PDZRN4: variants seen among roughly 807,000 people sequenced by gnomAD.
The protein encoded by PDZRN4 is PDZ domain containing ring finger 4, also known as PDZ domain-containing RING finger protein 4.
PDZRN4 carries 70 observed loss-of-function variants against 99.0 expected under a neutral mutation model. The ratio of observed to expected loss-of-function variants is 0.71; its 90% confidence interval spans 0.58 to 0.86. The LOEUF (loss-of-function observed/expected upper bound fraction) is 0.86, where lower values mean the gene tolerates loss of function less well. Ranked by LOEUF, PDZRN4 falls within the 40% of genes least tolerant of loss-of-function variation. PDZRN4 has a pLI of 0.00. For synonymous variants in PDZRN4, 551 were observed against 501.6 expected (o/e 1.10, Z -1.32); for missense variants, 1,474 against 1,331.2 (o/e 1.11, Z -1.67).
intron 3 of PDZRN4, among the ~76,000 whole-genome samples, chr12:41,504,495 A>G (rs1289200803): frequency 2.0e-5 from 3 of 152,154 alleles, no homozygotes; most frequent in Non-Finnish European, 4.4e-5. Context: ...CACAATCTGG[A>G]ATGTATAAAT....
rs542797296 is a variant in PDZRN4, at chr12:41,192,726, T to C, written c.735+1182T>C. 3.9e-5 allele frequency among the ~76,000 whole-genome samples: 6 copies of C among 152,324 alleles called. No individual in the cohort carries two copies. In the East Asian group the frequency reaches 1.2e-3, roughly 29 times the overall value. ...ATTGATTTCAATAGGAAGTACCATG[T>C]TAAAGAAAAACAGTTGATTAGAAAT... On this transcript the variant is annotated intron_variant, in intron 2 of 9. Transcript: ENST00000402685.
intron 3 of PDZRN4, among the ~76,000 whole-genome samples, chr12:41,253,601 A>G (rs1951185726): frequency 6.6e-6 from 1 of 152,174 alleles, no homozygotes. Context: ...AAAAACTAAA[A>G]CTAAAACTTC....
chr12:41,212,290 A>G (rs906757124), intron 3 of PDZRN4, among the ~76,000 whole-genome samples: 6 of 151,962 alleles, frequency 3.9e-5, no homozygotes, highest in Admixed American at 2.0e-4. Context: ...TTTGTTTCTT[A>G]GTGTTTCTGC....
At chr12:41,388,973 CTGAT>C (rs536683141) in intron 3 of PDZRN4, among the ~76,000 whole-genome samples, 55 of 152,252 alleles carry the variant, frequency 3.6e-4, no homozygotes, top group African/African-American at 1.3e-3. Flanking sequence ...CAATGACTAA[CTGAT>C]TGGCTTGTCA....
rs17129388 is a variant in PDZRN4, at chr12:41,486,019, C to G, written c.844-20437C>G. ...TTCAATATTATTATGTGAAAAATCA[C>G]AATCAATAGTTTCCAGTTTTATGTA... On this transcript the variant is annotated intron_variant, in intron 3 of 9. Coordinates refer to ENST00000402685, the MANE Select transcript of PDZRN4 (RefSeq NM_001164595.2). 2.0e-3 allele frequency among the ~76,000 whole-genome samples: 306 copies of G among 152,200 alleles called. 6 individuals carry two copies. The East Asian group carries it at 0.037, about 19-fold the overall frequency.
At position 41,535,742 on chromosome 12, in the gene PDZRN4, C is replaced by T. The variant is rs530229650; in HGVS notation, c.1204-16914C>T. ...CATTAAAAAATGGTGCATTTGGTCC[C>T]TTTTTCTCTGTCTCTCTTTTGCCCT... On this transcript the variant is annotated intron_variant, in intron 5 of 9. Coordinates refer to ENST00000402685, the MANE Select transcript of PDZRN4 (RefSeq NM_001164595.2). 5.9e-5 allele frequency among the ~76,000 whole-genome samples: 9 copies of T among 152,240 alleles called. 1 individual carries two copies. The East Asian group carries it at 1.5e-3, about 26-fold the overall frequency.
At chr12:41,232,589 T>A (rs1161711046) in intron 3 of PDZRN4, among the ~76,000 whole-genome samples, 1 of 151,964 alleles carries the variant, frequency 6.6e-6, no homozygotes, top group Non-Finnish European at 1.5e-5. Flanking sequence ...GTCAGATGAG[T>A]AGGTTGCAAA....
At chr12:41,378,347 G>A (rs902948130) in intron 3 of PDZRN4, among the ~76,000 whole-genome samples, 5 of 151,926 alleles carry the variant, frequency 3.3e-5, no homozygotes, top group African/African-American at 7.3e-5. Context: ...CATGGTGTAC[G>A]AAACTTTTAA....
At position 41,243,186 on chromosome 12, in the gene PDZRN4, TC is replaced by T. The variant is rs1566388661; in HGVS notation, c.843+48999del. On this transcript the variant is annotated intron_variant, in intron 3 of 9. Coordinates refer to ENST00000402685, the MANE Select transcript of PDZRN4 (RefSeq NM_001164595.2). ...TGCCTGAAGAATGTTCTTGTTACCA[TC>T]AGCAGATTGCATATGGAGTGAAAAG... 5.9e-5 allele frequency among the ~76,000 whole-genome samples: 9 copies of T among 152,202 alleles called. 1 individual carries two copies. Among genetic ancestry groups the T allele is most frequent in the Admixed American group, 5.9e-4 (9 of 15,286 alleles).
intron 3 of PDZRN4, among the ~76,000 whole-genome samples, chr12:41,334,227 TCA>T (rs1354169846): frequency 6.6e-6 from 1 of 152,102 alleles, no homozygotes; most frequent in African/African-American, 2.4e-5. Context: ...ACAGAATTTT[TCA>T]CAGACCTTCT....
chr12:41,390,265 A>T (rs1019919625), intron 3 of PDZRN4, among the ~76,000 whole-genome samples: 17 of 152,176 alleles, frequency 1.1e-4, no homozygotes, highest in Admixed American at 6.6e-5. Flanking sequence ...AAACACAATG[A>T]GTATAAAAAA....
In PDZRN4 at chr12:41,188,746, G is replaced by A; in HGVS notation, c.291G>A (p.Leu97=). The change falls in exon 1 of 10, where the codon CTG becomes CTA. Residue 97 remains leucine, a synonymous_variant. Transcript: ENST00000402685. The part of the protein sequence containing the change: ...GCGHSVRLHE[L]EAHVEHCDFG... The stretch of plus-strand genomic sequence containing the variant: ...GCCACTCGGTCAGGCTGCACGAGCT[G>A]GAGGCGCACGTCGAGCACTGCGACT... The A allele has an allele frequency of 6.6e-7, 1 of 1,508,368 alleles. No individual in the cohort carries two copies. The highest frequency in any genetic ancestry group is 1.4e-5 in the African/African-American group (1 of 69,676). The allele number at this position is 1,508,368 out of a possible 1,614,324, so 93.4% of individuals were successfully genotyped here. A position where few individuals can be genotyped will look rare whatever the true frequency, so the allele number is the denominator to read the frequency against.
Position 41,504,185 on chromosome 12 carries a change from T to C in PDZRN4, c.844-2271T>C, listed in dbSNP as rs537410563. On this transcript the variant is annotated intron_variant, in intron 3 of 9. Transcript: ENST00000402685. Reference sequence around the variant, plus strand: ...TTGGGTGGCTGAGGCAGGAGAATCATTGAACCTGGGAGGCGGAGGTTATGG... The same window carrying C: ...TTGGGTGGCTGAGGCAGGAGAATCACTGAACCTGGGAGGCGGAGGTTATGG... Among the ~76,000 whole-genome samples the C allele has an allele frequency of 1.8e-3, 271 of 152,188 alleles. 3 individuals are homozygous for C. The highest frequency in any genetic ancestry group is 6.2e-3 in the African/African-American group (257 of 41,552).
intron 3 of PDZRN4, among the ~76,000 whole-genome samples, chr12:41,207,259 T>C (rs918732060): frequency 2.2e-4 from 33 of 151,922 alleles, no homozygotes; most frequent in African/African-American, 7.7e-4. Context: ...ATTCTATTGA[T>C]TCAGAATTCA....
At chr12:41,225,948 C>A (rs1350582432) in intron 3 of PDZRN4, among the ~76,000 whole-genome samples, 1 of 152,062 alleles carries the variant, frequency 6.6e-6, no homozygotes, top group Non-Finnish European at 1.5e-5. Flanking sequence ...CTTGTCTCCA[C>A]TTGAATTTTT....
At chr12:41,341,176 A>G (rs1424052403) in intron 3 of PDZRN4, among the ~76,000 whole-genome samples, 1 of 151,306 alleles carries the variant, frequency 6.6e-6, no homozygotes, top group Non-Finnish European at 1.5e-5. Flanking sequence ...AAAAAAAAAA[A>G]ACTCTTAAAA....
In PDZRN4 at chr12:41,323,953, A is replaced by C. The variant is rs145765559; in HGVS notation, c.843+129765A>C. On this transcript the variant is annotated intron_variant, in intron 3 of 9. Transcript: ENST00000402685. ...AAAACTTTAGCTGTGTGGCTCTTAAACGTAAACAACTGTTTAGGCTTATTT... is the reference window on the plus strand; with the variant it reads ...AAAACTTTAGCTGTGTGGCTCTTAACCGTAAACAACTGTTTAGGCTTATTT... 7.4e-4 allele frequency among the ~76,000 whole-genome samples: 112 copies of C among 152,114 alleles called. 1 individual carries two copies. Among genetic ancestry groups the C allele is most frequent in the African/African-American group, 2.5e-3 (105 of 41,562 alleles).
intron 3 of PDZRN4, among the ~76,000 whole-genome samples, chr12:41,263,532 CA>C (rs1951257332): frequency 6.6e-6 from 1 of 152,082 alleles, no homozygotes; most frequent in Non-Finnish European, 1.5e-5. Flanking sequence ...ACTAAAAATA[CA>C]AAAATTAGCT....
chr12:41,568,031 C>A, intron 9 of PDZRN4, 132 bp downstream of exon 9: 3 of 589,624 alleles, frequency 5.1e-6, no homozygotes, highest in Non-Finnish European at 6.0e-6. Context: ...TTTTTTAGAG[C>A]AAATGATCAT....
Sources: gnomAD v4.1 joint callset for allele counts (sites outside exome capture counted in the v4.1 genomes callset) on GRCh38, gnomAD v4.1.1 for gene constraint, MANE v1.5 for transcripts, NCBI Gene and HGNC (gene_info 2026-07-23, HGNC 2026-07-21) for gene names.